The following MAD1L1 variants were observed in gnomAD, a reference collection of about 807,000 sequenced individuals.
MAD1L1 encodes the protein mitotic arrest deficient 1 like 1, also known as mitotic spindle assembly checkpoint protein MAD1.
MAD1L1 carries 95 observed loss-of-function variants against 96.9 expected under a neutral mutation model. The observed-to-expected ratio is 0.98, with a 90% CI of 0.83 to 1.16. MAD1L1 has a LOEUF of 1.16. Ranked by LOEUF, MAD1L1 falls within the 50% of genes most tolerant of loss-of-function variation. The pLI, the probability that MAD1L1 is intolerant of heterozygous loss-of-function variation, is 0.00. For synonymous variants in MAD1L1, 473 were observed against 396.6 expected (o/e 1.19, Z -2.29); for missense variants, 1,007 against 954.4 (o/e 1.06, Z -0.73).
intron 11 of MAD1L1, among the ~76,000 whole-genome samples, chr7:2,126,420 G>C (rs1364998828): frequency 6.6e-6 from 1 of 152,192 alleles, no homozygotes; most frequent in Non-Finnish European, 1.5e-5. Context: ...CAGACCACTG[G>C]AGGCCCCCAG....
At chr7:2,232,445 G>A (rs1446128384) in intron 1 of MAD1L1, among the ~76,000 whole-genome samples, 3 of 152,228 alleles carry the variant, frequency 2.0e-5, no homozygotes, top group Non-Finnish European at 4.4e-5. Flanking sequence ...GATGCCAAGA[G>A]CCCCTGCAGC....
chr7:1,920,735 A>G (rs1166025881), intron 17 of MAD1L1, among the ~76,000 whole-genome samples: 1 of 152,236 alleles, frequency 6.6e-6, no homozygotes, highest in East Asian at 1.9e-4. Context: ...AGAAATGACC[A>G]GTCCATGAGG....
At chr7:1,868,350 C>T (rs964641264) in intron 18 of MAD1L1, among the ~76,000 whole-genome samples, 2 of 152,192 alleles carry the variant, frequency 1.3e-5, no homozygotes, top group African/African-American at 4.8e-5. Flanking sequence ...GCAGCGTGGA[C>T]TTCCATGGCT....
intron 18 of MAD1L1, among the ~76,000 whole-genome samples, chr7:1,827,319 G>A (rs1032842523): frequency 6.6e-6 from 1 of 152,206 alleles, no homozygotes; most frequent in African/African-American, 2.4e-5. Flanking sequence ...CGGGCAGGGA[G>A]GACAGGTGCT....
chr7:2,225,966 C>T (rs948910776), intron 3 of MAD1L1, among the ~76,000 whole-genome samples: 3 of 152,308 alleles, frequency 2.0e-5, no homozygotes, highest in East Asian at 1.9e-4. Context: ...GTCTCCTTCC[C>T]GACTGGCTGC....
intron 16 of MAD1L1, among the ~76,000 whole-genome samples, chr7:1,938,848 A>ACG (rs1778766614): frequency 6.9e-6 from 1 of 143,956 alleles, no homozygotes; most frequent in Non-Finnish European, 1.5e-5. Context: ...AGGCACACAC[A>ACG]CACACACACA....
chr7:2,025,876 A>G (rs918868962), intron 12 of MAD1L1, among the ~76,000 whole-genome samples: 2 of 152,214 alleles, frequency 1.3e-5, no homozygotes, highest in African/African-American at 4.8e-5. Context: ...AAAAGCACAC[A>G]TAACAAGATA....
At chr7:2,021,763 T>TCAAA (rs574509517) in intron 12 of MAD1L1, among the ~76,000 whole-genome samples, 227 of 150,556 alleles carry the variant, frequency 1.5e-3, no homozygotes, top group Admixed American at 4.1e-3. Flanking sequence ...AGACTCTGTC[T>TCAAA]CAAACAAACA....
chr7:2,153,525 T>C (rs898795139), intron 10 of MAD1L1, among the ~76,000 whole-genome samples: 1 of 152,104 alleles, frequency 6.6e-6, no homozygotes, highest in South Asian at 2.1e-4. Flanking sequence ...AAATGGCTAA[T>C]AAACAGACCA....
rs116232012 is a variant in MAD1L1 at position 2,110,649 on chromosome 7, G to T, written c.1073+38503C>A. Among the ~76,000 whole-genome samples, 1,454 of 152,256 alleles carry T rather than the reference G, an allele frequency of 9.5e-3. 28 individuals are homozygous for T. The highest frequency in any genetic ancestry group is 0.032 in the African/African-American group (1,350 of 41,544). On this transcript the variant is annotated intron_variant, in intron 11 of 18. Transcript: ENST00000265854. ...TTTGGGTCTCAAGTGTCTCCCTTTTGTCCCAAATCAAATTTTTCTTGCTGA... is the reference window on the plus strand; with the variant it reads ...TTTGGGTCTCAAGTGTCTCCCTTTTTTCCCAAATCAAATTTTTCTTGCTGA...
intron 14 of MAD1L1, among the ~76,000 whole-genome samples, chr7:1,984,614 GT>G (rs1016418164): frequency 3.3e-5 from 5 of 152,172 alleles, no homozygotes; most frequent in Non-Finnish European, 5.9e-5. Context: ...GCCCACCTTT[GT>G]TTCTGAGCGG....
At chr7:2,101,928 G>C (rs983233404) in intron 11 of MAD1L1, among the ~76,000 whole-genome samples, 1 of 152,142 alleles carries the variant, frequency 6.6e-6, no homozygotes, top group Non-Finnish European at 1.5e-5. Context: ...TGCACACAGG[G>C]GGCTCTGCAG....
intron 11 of MAD1L1, among the ~76,000 whole-genome samples, chr7:2,116,574 G>T (rs3778975): frequency 4.6e-5 from 7 of 150,620 alleles, no homozygotes; most frequent in East Asian, 2.0e-4. Context: ...GGTTGGGGGG[G>T]GGGGGGGCTC....
At chr7:2,078,087 G>A (rs771184222) in intron 11 of MAD1L1, among the ~76,000 whole-genome samples, 111 of 152,174 alleles carry the variant, frequency 7.3e-4, no homozygotes, top group Non-Finnish European at 1.3e-3. Flanking sequence ...ACAGAGAGGA[G>A]CCGTCTCTGC....
intron 11 of MAD1L1, among the ~76,000 whole-genome samples, chr7:2,111,252 G>A (rs1031064947): frequency 2.6e-5 from 4 of 152,172 alleles, no homozygotes; most frequent in African/African-American, 4.8e-5. Context: ...AGAGGGGCTC[G>A]GGAAGCCAGG....
chr7:1,998,894 T>A (rs1584033934), intron 14 of MAD1L1, among the ~76,000 whole-genome samples: 1 of 95,960 alleles, frequency 1.0e-5, no homozygotes, highest in Non-Finnish European at 2.1e-5. Context: ...CTAACCCCAC[T>A]CACTGCTGGA....
chr7:1,880,848 G>A (rs1030093706), intron 18 of MAD1L1, among the ~76,000 whole-genome samples: 1 of 152,176 alleles, frequency 6.6e-6, no homozygotes, highest in African/African-American at 2.4e-5. Context: ...GGTGAGCTGG[G>A]AACAGCCCCA....
intron 17 of MAD1L1, among the ~76,000 whole-genome samples, chr7:1,903,490 G>A (rs1200377435): frequency 2.7e-5 from 4 of 145,856 alleles, no homozygotes; most frequent in African/African-American, 8.1e-5. Context: ...CGGAACTCAA[G>A]ATTGATCAAG....
chr7:2,172,607 T>C (rs1443064145), intron 10 of MAD1L1, among the ~76,000 whole-genome samples: 1 of 152,246 alleles, frequency 6.6e-6, no homozygotes, highest in Non-Finnish European at 1.5e-5. Context: ...ACTCGCCACC[T>C]TGGCCGGCTC....
Sources: allele counts gnomAD v4.1 joint callset (sites outside exome capture counted in the v4.1 genomes callset), GRCh38; gene constraint gnomAD v4.1.1; transcripts MANE v1.5; gene names NCBI Gene and HGNC (gene_info 2026-07-23, HGNC 2026-07-21).